Variants in RRM2 observed in about 807,000 individuals in gnomAD.
The protein encoded by RRM2 is ribonucleotide reductase regulatory subunit M2, also known as ribonucleoside-diphosphate reductase subunit M2.
Under a neutral mutation model 45.9 loss-of-function variants are expected in RRM2, and 6 were observed. The ratio of observed to expected loss-of-function variants is 0.13; its 90% CI spans 0.07 to 0.26. The LOEUF is 0.26. Ranked by LOEUF, RRM2 falls within the 10% of genes least tolerant of loss-of-function variation. The pLI, the probability that RRM2 is intolerant of heterozygous loss-of-function variation, is 1.00. For missense variants in RRM2, 343 were observed against 489.5 expected, an observed-to-expected ratio of 0.70 and a Z score of 2.82; for synonymous variants, 177 against 173.0, an observed-to-expected ratio of 1.02 and a Z score of -0.18.
intron 3 of RRM2, among the ~76,000 whole-genome samples, chr2:10,158,541 C>T (rs912123625): frequency 3.3e-5 from 5 of 151,996 alleles, no homozygotes; most frequent in Admixed American, 6.6e-5. Context: ...GCCCTAACTC[C>T]GGGCTGTGAT....
chr2:10,191,596 G>A (rs890018194), intron 3 of RRM2, among the ~76,000 whole-genome samples: 5 of 152,138 alleles, frequency 3.3e-5, no homozygotes, highest in Non-Finnish European at 7.3e-5. Context: ...GAGTTGGAGC[G>A]GAGCAGGGGC....
At chr2:10,162,718 A>G (rs893494388) in intron 3 of RRM2, among the ~76,000 whole-genome samples, 12 of 136,868 alleles carry the variant, frequency 8.8e-5, no homozygotes, top group African/African-American at 3.1e-4. Flanking sequence ...GGGGAGTCAC[A>G]GCTCTTCCTG....
intron 3 of RRM2, among the ~76,000 whole-genome samples, chr2:10,193,912 C>T (rs754973751): frequency 1.3e-5 from 2 of 152,168 alleles, no homozygotes; most frequent in South Asian, 2.1e-4. Flanking sequence ...CAGGGAGGTC[C>T]CTAGACATTT....
chr2:10,179,415 T>C (rs1487270734), intron 3 of RRM2, among the ~76,000 whole-genome samples: 3 of 152,264 alleles, frequency 2.0e-5, no homozygotes. Context: ...CCTCCCAAAG[T>C]GCTGGGATTA....
chr2:10,178,581 C>G (rs1663980970), intron 3 of RRM2, among the ~76,000 whole-genome samples: 1 of 152,182 alleles, frequency 6.6e-6, no homozygotes, highest in Admixed American at 6.5e-5. Context: ...AACCACCAAT[C>G]TGTTCTCCAT....
At chr2:10,151,880 A>G (rs1393468661) in intron 3 of RRM2, among the ~76,000 whole-genome samples, 1 of 152,160 alleles carries the variant, frequency 6.6e-6, no homozygotes, top group African/African-American at 2.4e-5. Flanking sequence ...TTTTAAATGT[A>G]CTTATTTTTT....
At chr2:10,189,184 G>A (rs764488804) in intron 3 of RRM2, among the ~76,000 whole-genome samples, 36 of 152,266 alleles carry the variant, frequency 2.4e-4, no homozygotes, top group Admixed American at 6.5e-4. Context: ...GGCCGAGGAG[G>A]TGCTCACAAG....
chr2:10,149,924 C>T (rs1402358363), intron 3 of RRM2, among the ~76,000 whole-genome samples: 1 of 152,234 alleles, frequency 6.6e-6, no homozygotes, highest in Non-Finnish European at 1.5e-5. Flanking sequence ...GATCCCTTCT[C>T]ACTGCTTCTT....
At chr2:10,188,545 C>A (rs1558402111) in intron 3 of RRM2, among the ~76,000 whole-genome samples, 1 of 152,162 alleles carries the variant, frequency 6.6e-6, no homozygotes. Context: ...TCCTTAAAGA[C>A]CTCATCTCCA....
rs1393716129 is a variant in RRM2 at position 10,129,773 on chromosome 2, A to T, written c.*387A>T. ...TTAAATATAAACCTGGCACTTTACAAACAAATAAACATTGTTTGTACTCAC... is the reference window on the plus strand; with the variant it reads ...TTAAATATAAACCTGGCACTTTACATACAAATAAACATTGTTTGTACTCAC... On this transcript the variant is annotated 3_prime_UTR_variant, in exon 10 of 10. Transcript: ENST00000304567. The surrounding 1 kb of genome is among the most constrained non-coding windows in gnomAD (Gnocchi z 4.8). 5.8e-6 allele frequency: 1 copy of T among 171,002 alleles called. No individual in the cohort carries two copies. The highest frequency in any genetic ancestry group is 1.6e-4 in the East Asian group (1 of 6,148). The allele number at this position is 171,002 out of a possible 1,614,324, so 10.6% of individuals were successfully genotyped here. A position where few individuals can be genotyped will look rare whatever the true frequency, so the allele number is the denominator to read the frequency against.
intron 3 of RRM2, among the ~76,000 whole-genome samples, chr2:10,153,027 G>A (rs916919271): frequency 6.6e-6 from 1 of 152,112 alleles, no homozygotes; most frequent in Non-Finnish European, 1.5e-5. Context: ...CAACCTAGGT[G>A]TTGATGAATG....
rs754061118 is a variant in RRM2 at position 10,122,897 on chromosome 2, G to T, written c.99G>T (p.Thr33=). The change falls in exon 1 of 10, where the codon ACG becomes ACT. Residue 33 remains threonine, a splice_region_variant and synonymous_variant. Transcript: ENST00000304567. ...KGLSLVDKEN[T]PPALSGTRVL... is the part of the protein sequence containing the mutation. ...TCAGCTTGGTCGACAAGGAGAACAC[G>T]GTGAGCCCGCGGGGAGGGCGCTGCG... The T allele has an allele frequency of 1.8e-5, 28 of 1,582,480 alleles. No homozygotes were observed. The East Asian group carries it at 4.8e-4, about 27-fold the overall frequency.
rs528139979 is a variant in RRM2, at chr2:10,204,127, A to G, written n.483-6184A>G. Among the ~76,000 whole-genome samples the G allele has an allele frequency of 6.6e-6, 1 of 151,942 alleles. No individual in the cohort carries two copies. The highest frequency in any genetic ancestry group is 2.4e-5 in the African/African-American group (1 of 41,356). ...GTGGGTTTCTGTTGCTTGCATCCCA[A>G]CTACCATCATTGGGACAGAGCCCCT... On this transcript the variant is annotated intron_variant and non_coding_transcript_variant, in intron 3 of 3. Coordinates refer to the RRM2 transcript ENST00000381786. The surrounding 1 kb of genome is among the most constrained non-coding windows in gnomAD (Gnocchi z 4.0).
chr2:10,210,393 C>T lies in RRM2; in HGVS notation n.565C>T, dbSNP rs775827248. On this transcript the variant is annotated non_coding_transcript_exon_variant, in exon 4 of 4. Transcript: ENST00000381786. ...TTGTGAAGGGAGAGCCACCGTGGTG[C>T]TCACAGCAAGACACCCAGAGTCCCT... 5.1e-6 allele frequency: 7 copies of T among 1,367,746 alleles called. No individual in the cohort carries two copies. In the South Asian group the frequency reaches 8.0e-5, roughly 16 times the overall value. The allele number at this position is 1,367,746 out of a possible 1,614,324, so 84.7% of individuals were successfully genotyped here. A position where few individuals can be genotyped will look rare whatever the true frequency, so the allele number is the denominator to read the frequency against.
intron 3 of RRM2, among the ~76,000 whole-genome samples, chr2:10,177,206 A>G (rs1663935032): frequency 6.6e-6 from 1 of 152,204 alleles, no homozygotes; most frequent in Non-Finnish European, 1.5e-5. Context: ...AGATCGCACC[A>G]TTGCACTCCA....
At chr2:10,141,713 A>G (rs1663082857) in intron 1 of RRM2, 4 of 1,233,036 alleles carry the variant, frequency 3.2e-6, no homozygotes, top group Non-Finnish European at 4.5e-6. Flanking sequence ...TGGGAAGGAA[A>G]GAGCAGGTGA....
Position 10,172,173 on chromosome 2 carries a change from C to A in RRM2, n.482+29798C>A, listed in dbSNP as rs1482229904. Among the ~76,000 whole-genome samples the A allele has an allele frequency of 6.6e-6, 1 of 152,188 alleles. No individual in the cohort carries two copies. Among genetic ancestry groups the A allele is most frequent in the Admixed American group, 6.5e-5 (1 of 15,278 alleles). On this transcript the variant is annotated intron_variant and non_coding_transcript_variant, in intron 3 of 3. Coordinates refer to the RRM2 transcript ENST00000381786. This position sits in a 1 kb window ranked among gnomAD's most constrained non-coding sequence, Gnocchi z 4.9. ...GAGTCCTGCCCTACATACTAACTAG[C>A]CTGCTGTGTCGCCTTGCAAGGGGTG...
rs1664649035 is a variant in RRM2, at chr2:10,205,684, A to AT, written n.483-4623dup. On this transcript the variant is annotated intron_variant and non_coding_transcript_variant, in intron 3 of 3. Coordinates refer to the RRM2 transcript ENST00000381786. The surrounding 1 kb of genome is among the most constrained non-coding windows in gnomAD (Gnocchi z 4.8). ...GTTTGAGAGGGTCCTTTTTATTTTT[A>AT]TTTTATTTTATTTATTTATTTTTTT... Among the ~76,000 whole-genome samples the AT allele has an allele frequency of 6.6e-6, 1 of 151,818 alleles. No individual in the cohort carries two copies. Among genetic ancestry groups the AT allele is most frequent in the Non-Finnish European group, 1.5e-5 (1 of 67,924 alleles).
rs1034904578 is a variant in RRM2, at chr2:10,127,313, G to A, written c.798+93G>A. On this transcript the variant is annotated intron_variant, in intron 7 of 9. Transcript: ENST00000304567. This position sits in a 1 kb window ranked among gnomAD's most constrained non-coding sequence, Gnocchi z 4.1. The stretch of plus-strand genomic sequence containing the variant: ...CTGACGGGGACCTGAGATGCTAGAT[G>A]GCATATATCCACATTTAATGTGTGA... The A allele has an allele frequency of 2.3e-6, 3 of 1,285,694 alleles. No homozygotes were observed. The allele number at this position is 1,285,694 out of a possible 1,614,324, so 79.6% of individuals were successfully genotyped here. A position where few individuals can be genotyped will look rare whatever the true frequency, so the allele number is the denominator to read the frequency against.
Sources: gnomAD v4.1 joint callset for allele counts (sites outside exome capture counted in the v4.1 genomes callset) on GRCh38, gnomAD v4.1.1 for gene constraint, Gnocchi (gnomAD v3.1) non-coding constraint, MANE v1.5 for transcripts, NCBI Gene and HGNC (gene_info 2026-07-23, HGNC 2026-07-21) for gene names.